The following SPAG16 variants were observed in gnomAD, a reference collection of about 807,000 sequenced individuals.
The protein encoded by SPAG16 is sperm associated antigen 16.
A neutral mutation model predicts 80.4 loss-of-function variants in SPAG16; 86 were observed. That is an observed-to-expected ratio of 1.07 (90% confidence interval 0.90 to 1.28). SPAG16 has a LOEUF of 1.28. Ranked by LOEUF, SPAG16 falls within the 50% of genes most tolerant of loss-of-function variation. The pLI is 0.00. For synonymous variants in SPAG16, 294 were observed against 265.9 expected, an observed-to-expected ratio of 1.11 and a Z score of -1.03; for missense variants, 870 against 765.3, an observed-to-expected ratio of 1.14 and a Z score of -1.61.
chr2:214,302,880 G>A (rs905605609), intron 15 of SPAG16, among the ~76,000 whole-genome samples: 5 of 152,082 alleles, frequency 3.3e-5, no homozygotes, highest in African/African-American at 1.2e-4. Context: ...TATATAGTGT[G>A]CTTCTTTGTC....
intron 10 of SPAG16, among the ~76,000 whole-genome samples, chr2:213,585,527 A>G (rs948271448): frequency 6.6e-6 from 1 of 152,084 alleles, no homozygotes; most frequent in African/African-American, 2.4e-5. Context: ...TCTGCTCACC[A>G]TGGCCTCCCA....
intron 3 of SPAG16, among the ~76,000 whole-genome samples, chr2:213,303,158 C>T (rs2062812427): frequency 2.0e-5 from 3 of 152,030 alleles, no homozygotes; most frequent in Admixed American, 2.0e-4. Flanking sequence ...ACATCTTGTA[C>T]TCTGCTAGTT....
chr2:214,012,399 G>A lies in SPAG16; in HGVS notation c.1401-1552G>A, dbSNP rs547859438. Among the ~76,000 whole-genome samples, 77 of 147,570 alleles carry A rather than the reference G, an allele frequency of 5.2e-4. 2 individuals are homozygous for A. The highest frequency in any genetic ancestry group is 4.2e-3 in the Admixed American group (61 of 14,632). ...CAACCTCTGCCTCCCAGATTCAAGCGATTCTCCTGCTTCAGCCTCCCGAGT... is the reference window on the plus strand; with the variant it reads ...CAACCTCTGCCTCCCAGATTCAAGCAATTCTCCTGCTTCAGCCTCCCGAGT... On this transcript the variant is annotated intron_variant, in intron 12 of 15. Coordinates refer to ENST00000331683, the MANE Select transcript of SPAG16 (RefSeq NM_024532.5).
intron 11 of SPAG16, among the ~76,000 whole-genome samples, chr2:213,867,326 A>C (rs1389658714): frequency 6.6e-6 from 1 of 152,228 alleles, no homozygotes; most frequent in Non-Finnish European, 1.5e-5. Flanking sequence ...GTGCATTAGC[A>C]CTATCTTTGT....
intron 12 of SPAG16, among the ~76,000 whole-genome samples, chr2:213,957,119 CTG>C (rs2044187022): frequency 6.6e-6 from 1 of 151,656 alleles, no homozygotes; most frequent in Admixed American, 6.6e-5. Context: ...GTTGAGTGCT[CTG>C]TGTTTGTTGG....
At chr2:213,685,816 G>A (rs1013835417) in intron 10 of SPAG16, among the ~76,000 whole-genome samples, 1 of 152,130 alleles carries the variant, frequency 6.6e-6, no homozygotes, top group African/African-American at 2.4e-5. Context: ...AAATAGGGAA[G>A]TGAATAAAAA....
chr2:213,579,055 G>C (rs1300570370), intron 10 of SPAG16, among the ~76,000 whole-genome samples: 1 of 152,004 alleles, frequency 6.6e-6, no homozygotes, highest in South Asian at 2.1e-4. Flanking sequence ...GTAAATTTTA[G>C]AGTATTTTTA....
intron 10 of SPAG16, among the ~76,000 whole-genome samples, chr2:213,493,810 T>C (rs1210825339): frequency 1.3e-5 from 2 of 152,130 alleles, no homozygotes; most frequent in Non-Finnish European, 2.9e-5. Context: ...TTTTTTTTCT[T>C]ATCCGGAGAA....
chr2:213,712,793 A>T (rs973752074), intron 10 of SPAG16, among the ~76,000 whole-genome samples: 1 of 152,202 alleles, frequency 6.6e-6, no homozygotes, highest in Non-Finnish European at 1.5e-5. Flanking sequence ...AATAAAAATA[A>T]GCATCTTTTA....
chr2:213,980,804 G>A (rs985917837), intron 12 of SPAG16, among the ~76,000 whole-genome samples: 1 of 148,964 alleles, frequency 6.7e-6, no homozygotes, highest in Non-Finnish European at 1.5e-5. Context: ...AGCTACTTGG[G>A]AGGCTGAGGC....
chr2:213,856,299 C>A (rs1396091655), intron 10 of SPAG16, among the ~76,000 whole-genome samples: 2 of 152,184 alleles, frequency 1.3e-5, no homozygotes, highest in African/African-American at 2.4e-5. Context: ...CAGCTCCACC[C>A]CTGTGGCTTT....
intron 10 of SPAG16, among the ~76,000 whole-genome samples, chr2:213,798,134 C>T (rs894197315): frequency 2.6e-5 from 4 of 152,194 alleles, no homozygotes; most frequent in Non-Finnish European, 5.9e-5. Flanking sequence ...ATTCCCTTAA[C>T]CATTTGTTGA....
chr2:213,342,841 G>C (rs2124979178), intron 6 of SPAG16, among the ~76,000 whole-genome samples: 1 of 151,722 alleles, frequency 6.6e-6, no homozygotes, highest in South Asian at 2.1e-4. Context: ...CCTAAGAGAA[G>C]ACAAACACAA....
At chr2:214,008,543 G>A (rs1418920030) in intron 12 of SPAG16, among the ~76,000 whole-genome samples, 5 of 151,974 alleles carry the variant, frequency 3.3e-5, no homozygotes, top group East Asian at 3.9e-4. Flanking sequence ...TCAGGAGTTC[G>A]ACACCAGCCT....
intron 10 of SPAG16, among the ~76,000 whole-genome samples, chr2:213,857,054 A>G (rs1045300842): frequency 6.6e-6 from 1 of 152,102 alleles, no homozygotes; most frequent in Admixed American, 6.6e-5. Flanking sequence ...ACATGGCGAA[A>G]CCCTATCTCT....
chr2:213,565,561 T>A (rs1021749179), intron 10 of SPAG16, among the ~76,000 whole-genome samples: 1 of 152,234 alleles, frequency 6.6e-6, no homozygotes, highest in Non-Finnish European at 1.5e-5. Flanking sequence ...CTTTTCCCCT[T>A]AGTGTTTTTA....
intron 15 of SPAG16, among the ~76,000 whole-genome samples, chr2:214,336,390 A>G (rs911771113): frequency 4.6e-5 from 7 of 152,174 alleles, no homozygotes; most frequent in Non-Finnish European, 1.0e-4. Flanking sequence ...AGTTAAAATT[A>G]AATAGGTATA....
At chr2:213,361,789 CCACACACACACACA>C (rs10585217) in intron 7 of SPAG16, among the ~76,000 whole-genome samples, 3 of 140,106 alleles carry the variant, frequency 2.1e-5, no homozygotes, top group South Asian at 4.6e-4. Context: ...ACTGATAATG[CCACACACACACACA>C]CACACACACA....
intron 15 of SPAG16, among the ~76,000 whole-genome samples, chr2:214,248,324 T>TATC (rs1690007816): frequency 6.8e-6 from 1 of 147,778 alleles, no homozygotes; most frequent in Non-Finnish European, 1.5e-5. Context: ...TTATTATTAT[T>TATC]ATTATTATTA....
Sources: allele counts gnomAD v4.1 joint callset (sites outside exome capture counted in the v4.1 genomes callset), GRCh38; gene constraint gnomAD v4.1.1; transcripts MANE v1.5; gene names NCBI Gene and HGNC (gene_info 2026-07-23, HGNC 2026-07-21).